Variants in PYHIN1 observed in about 807,000 individuals in gnomAD.
PYHIN1 encodes the protein pyrin and HIN domain family member 1.
A neutral mutation model predicts 43.7 loss-of-function variants in PYHIN1; 32 were observed. The observed-to-expected ratio is 0.73, with a 90% CI of 0.55 to 0.98. The LOEUF (loss-of-function observed/expected upper bound fraction) is 0.98. PYHIN1 is among the 50% of genes least tolerant of loss of function. The pLI is 0.00. For synonymous variants in PYHIN1, 205 were observed against 203.1 expected, an observed-to-expected ratio of 1.01 and a Z score of -0.08; for missense variants, 588 against 589.5, an observed-to-expected ratio of 1.00 and a Z score of 0.03.
At position 158,976,682 on chromosome 1, in the gene PYHIN1, T is replaced by TA. The variant is rs781702519; in HGVS notation, c.*6-18dup. ...CCCTGCATCTCAACGGGTTTATTTTTATCTCTTTATGCTTCAAGGTCACCA... is the reference window on the plus strand; with the variant it reads ...CCCTGCATCTCAACGGGTTTATTTTTAATCTCTTTATGCTTCAAGGTCACCA... On this transcript the variant is annotated intron_variant, in intron 8 of 8. Transcript: ENST00000368140. The TA allele has an allele frequency of 1.3e-6, 2 of 1,580,606 alleles. No individual in the cohort carries two copies. The highest frequency in any genetic ancestry group is 1.8e-5 in the Admixed American group (1 of 57,024).
chr1:158,956,336 T>C (rs762369724), intron 7 of PYHIN1, among the ~76,000 whole-genome samples: 6,612 of 152,240 alleles, frequency 0.043, 201 homozygotes, highest in Middle Eastern at 0.065. Flanking sequence ...TTGATGAACA[T>C]TGATGCACAA....
the PYHIN1 span, among the ~76,000 whole-genome samples, chr1:158,983,961 A>G: frequency 7.8e-6 from 1 of 128,894 alleles, no homozygotes; most frequent in Non-Finnish European, 1.7e-5. Context: ...GAGTTTTTGT[A>G]TTTCTGTGGG....
rs761341948 is a variant in PYHIN1 at position 158,938,437 on chromosome 1, C to T, written c.306C>T (p.Ile102=). ...AATCCATTCCAGTCAAAGGAATAAT[C>T]CCATCTAAAAAGACGAAACAGAAAG... is the stretch of plus-strand genomic sequence containing the variant. The part of the protein sequence containing the change: ...KIESIPVKGI[I]PSKKTKQKEV... The change falls in exon 3 of 9, where the codon ATC becomes ATT. Residue 102 remains isoleucine (I), a synonymous_variant. Transcript: ENST00000368140. The T allele has an allele frequency of 6.2e-7, 1 of 1,614,126 alleles. No individual in the cohort carries two copies. Among genetic ancestry groups the T allele is most frequent in the Non-Finnish European group, 8.5e-7 (1 of 1,179,966 alleles).
chr1:158,943,686 G>C, intron 5 of PYHIN1, 104 bp from the exon 6 acceptor site: 1 of 714,902 alleles, frequency 1.4e-6, no homozygotes, highest in South Asian at 2.0e-5. Context: ...ACAGTACTAG[G>C]AGTTGCTGTC....
intron 7 of PYHIN1, among the ~76,000 whole-genome samples, chr1:158,964,908 AGG>A (rs1266145811): frequency 6.6e-6 from 1 of 152,176 alleles, no homozygotes; most frequent in African/African-American, 2.4e-5. Flanking sequence ...TAATGTAAAC[AGG>A]CTACACACTC....
intron 7 of PYHIN1, among the ~76,000 whole-genome samples, chr1:158,967,464 AG>A (rs1340655126): frequency 2.6e-5 from 4 of 152,024 alleles, no homozygotes; most frequent in African/African-American, 9.7e-5. Context: ...AAATAGGAAA[AG>A]TTCCATGCTC....
chr1:158,938,615 G>A (rs1457009212), intron 3 of PYHIN1, 73 bp downstream of exon 3: 8 of 1,461,336 alleles, frequency 5.5e-6, no homozygotes, highest in Non-Finnish European at 7.4e-6. Flanking sequence ...CACTCAATCT[G>A]TCCAGCAGGC....
intron 1 of PYHIN1, 26 bp from the exon 2 acceptor site, chr1:158,936,865 C>G: frequency 6.8e-7 from 1 of 1,464,914 alleles, no homozygotes; most frequent in Non-Finnish European, 9.2e-7. Flanking sequence ...ACATGTGTAA[C>G]ACTATATACC....
At chr1:158,968,771 A>G (rs1030904486) in intron 7 of PYHIN1, among the ~76,000 whole-genome samples, 3 of 149,276 alleles carry the variant, frequency 2.0e-5, no homozygotes, top group Admixed American at 6.6e-5. Context: ...GCCACAAAAA[A>G]CAATAAGATC....
chr1:158,986,972 A>G, the PYHIN1 span, among the ~76,000 whole-genome samples: 1 of 152,200 alleles, frequency 6.6e-6, no homozygotes, highest in Admixed American at 6.5e-5. Flanking sequence ...TTAATTTTTT[A>G]AGAAACCTCT....
rs564027308 is a variant in PYHIN1, at chr1:158,939,335, A to C, written c.579+88A>C. 4.3e-4 allele frequency: 681 copies of C among 1,589,388 alleles called. 5 individuals are homozygous for C. In the South Asian group the frequency reaches 7.3e-3, roughly 17 times the overall value. ...TCATCTTCTACTGAAAAATGACATC[A>C]ATCATCAGCCAGTAAATCAAATGTA... On this transcript the variant is annotated intron_variant, in intron 4 of 8. Transcript: ENST00000368140.
chr1:158,962,286 T>C (rs1230859630), intron 7 of PYHIN1, among the ~76,000 whole-genome samples: 4 of 152,134 alleles, frequency 2.6e-5, no homozygotes, highest in African/African-American at 9.7e-5. Flanking sequence ...ATAGCATCTC[T>C]ATACTTCCCT....
chr1:158,961,244 G>A (rs1030417484), intron 7 of PYHIN1, among the ~76,000 whole-genome samples: 1 of 152,084 alleles, frequency 6.6e-6, no homozygotes, highest in Non-Finnish European at 1.5e-5. Flanking sequence ...TATTCCCCAA[G>A]TTCACAAAGA....
intron 7 of PYHIN1, among the ~76,000 whole-genome samples, chr1:158,949,368 CT>C (rs905063773): frequency 3.3e-5 from 5 of 152,030 alleles, no homozygotes; most frequent in Admixed American, 1.3e-4. Flanking sequence ...ACTTTCCTGG[CT>C]TTTTTTGTTT....
chr1:158,952,113 T>TG (rs1213756227), intron 7 of PYHIN1, among the ~76,000 whole-genome samples: 1 of 148,666 alleles, frequency 6.7e-6, no homozygotes, highest in Non-Finnish European at 1.5e-5. Flanking sequence ...TGTCGGTTTT[T>TG]TTTTTTTTTT....
the PYHIN1 span, among the ~76,000 whole-genome samples, chr1:158,986,023 A>T: frequency 2.6e-4 from 39 of 152,168 alleles, no homozygotes; most frequent in Non-Finnish European, 5.4e-4. Flanking sequence ...GTTCTTTCTT[A>T]AAATGGCTAT....
intron 7 of PYHIN1, among the ~76,000 whole-genome samples, chr1:158,947,296 G>C (rs773999405): frequency 1.3e-5 from 2 of 152,204 alleles, no homozygotes; most frequent in Non-Finnish European, 2.9e-5. Flanking sequence ...TCCAGGTGTA[G>C]AGAGAGATTG....
At chr1:158,951,519 T>C (rs1649528983) in intron 7 of PYHIN1, among the ~76,000 whole-genome samples, 1 of 152,210 alleles carries the variant, frequency 6.6e-6, no homozygotes, top group South Asian at 2.1e-4. Context: ...ATCTCAGCTC[T>C]CTAAGTGCTA....
chr1:158,937,556 T>A (rs905794437), intron 2 of PYHIN1, among the ~76,000 whole-genome samples: 2 of 152,206 alleles, frequency 1.3e-5, no homozygotes, highest in African/African-American at 4.8e-5. Flanking sequence ...CACACCATCA[T>A]CCTTTATAAT....
Sources: gnomAD v4.1 joint callset for allele counts (sites outside exome capture counted in the v4.1 genomes callset) on GRCh38, gnomAD v4.1.1 for gene constraint, MANE v1.5 for transcripts, NCBI Gene and HGNC (gene_info 2026-07-23, HGNC 2026-07-21) for gene names.